The following RPL7A variants were observed in gnomAD, a reference collection of about 807,000 sequenced individuals.
The protein encoded by RPL7A is ribosomal protein L7a.
For missense variants in RPL7A, 291 were observed against 338.2 expected (o/e 0.86, Z 1.09); for synonymous variants, 158 against 128.2 (o/e 1.23, Z -1.57).
chr9:133,348,716 C>G (rs2129980295), intron 1 of RPL7A: 223 of 799,504 alleles, frequency 2.8e-4, no homozygotes, highest in Middle Eastern at 1.7e-3. Context: ...TCTGGCCACT[C>G]GGGGTTCCCG....
At chr9:133,348,824 G>A (rs1451961923) in intron 1 of RPL7A, 98 bp from the exon 2 acceptor site, 1 of 1,586,034 alleles carries the variant, frequency 6.3e-7, no homozygotes, top group African/African-American at 1.3e-5. Context: ...TCAGGCAGGT[G>A]CTGTCAGCGT....
At position 133,350,701 on chromosome 9, in the gene RPL7A, C is replaced by T. The variant is rs1836372738; in HGVS notation, c.600C>T (p.Thr200=). The T allele has an allele frequency of 6.2e-7, 1 of 1,614,140 alleles. No homozygotes were observed. Among genetic ancestry groups the T allele is most frequent in the South Asian group, 1.1e-5 (1 of 91,080 alleles). Residue 200 remains threonine, a synonymous_variant, in exon 6 of 8, where the codon ACC becomes ACT. Transcript: ENST00000323345. ...LGRLVHRKTC[T]TVAFTQVNSE... is the part of the protein sequence containing the mutation. ...GTCTAGTCCACAGGAAGACCTGCAC[C>T]ACTGTCGCCTTCACACAGGTGAACT...
intron 6 of RPL7A, 116 bp downstream of exon 6, chr9:133,350,843 C>A (rs2129996474): frequency 2.6e-6 from 4 of 1,558,856 alleles, no homozygotes; most frequent in Non-Finnish European, 3.5e-6. Flanking sequence ...TTTATCTGAA[C>A]TTTTGCCAAT....
At chr9:133,350,119 C>A in intron 4 of RPL7A, 67 bp downstream of exon 4, 1 of 1,613,562 alleles carries the variant, frequency 6.2e-7, no homozygotes, top group Non-Finnish European at 8.5e-7. Context: ...AATTTCTTGG[C>A]CTGAAATTAC....
At chr9:133,350,474 CT>C (rs1836361667) in intron 5 of RPL7A, 122 bp from the exon 6 acceptor site, 1 of 1,545,080 alleles carries the variant, frequency 6.5e-7, no homozygotes, top group Non-Finnish European at 8.9e-7. Flanking sequence ...ATGTGAATCT[CT>C]CACTGAATTC....
chr9:133,349,898 G>T lies in RPL7A; in HGVS notation c.275-14G>T. The T allele has an allele frequency of 6.2e-7, 1 of 1,610,914 alleles. No homozygotes were observed. Among genetic ancestry groups the T allele is most frequent in the African/African-American group, 1.3e-5 (1 of 74,956 alleles). ...ACCTTGACTCCAAGCCTAAACTGAA[G>T]AGTGTTTTTCCAGCTACTCAGCTGC... is the stretch of plus-strand genomic sequence containing the variant. On this transcript the variant is annotated splice_polypyrimidine_tract_variant and intron_variant, in intron 3 of 7. Transcript: ENST00000323345.
chr9:133,349,002 G>A lies in RPL7A; in HGVS notation c.84G>A (p.Val28=). 1 of 1,614,036 alleles carries A rather than the reference G, an allele frequency of 6.2e-7. No homozygotes were observed. The highest frequency in any genetic ancestry group is 8.5e-7 in the Non-Finnish European group (1 of 1,180,004). ...AGAAGCAGGAGGCTAAGAAAGTGGTGAATCCCCTGTTTGAGAAAAGGCCTA... is the reference window on the plus strand; with the variant it reads ...AGAAGCAGGAGGCTAAGAAAGTGGTAAATCCCCTGTTTGAGAAAAGGCCTA... The part of the protein sequence containing the change: ...VVKKQEAKKV[V]NPLFEKRPKN... The change falls in exon 2 of 8, where the codon GTG becomes GTA. Residue 28 remains valine (V), a synonymous_variant. Transcript: ENST00000323345.
At chr9:133,350,954 G>T (rs2129997168) in intron 6 of RPL7A, 48 bp from the exon 7 acceptor site, 4 of 1,596,704 alleles carry the variant, frequency 2.5e-6, no homozygotes, top group Non-Finnish European at 3.4e-6. Flanking sequence ...ATTCTAAAAG[G>T]GAAACTAAGG....
chr9:133,349,684 C>A lies in RPL7A; in HGVS notation c.258C>A (p.Ala86=). The A allele has an allele frequency of 6.2e-7, 1 of 1,613,994 alleles. No individual in the cohort carries two copies. Among genetic ancestry groups the A allele is most frequent in the Non-Finnish European group, 8.5e-7 (1 of 1,179,942 alleles). The change falls in exon 3 of 8, where the codon GCC becomes GCA. Residue 86 remains alanine, a synonymous_variant. Coordinates refer to ENST00000323345, the MANE Select transcript of RPL7A (RefSeq NM_000972.3). ...VPPAINQFTQ[A]LDRQTATQLL... The stretch of plus-strand genomic sequence containing the variant: ...CTGCGATTAACCAGTTCACCCAGGC[C>A]CTGGACCGCCAAACAGGTGAGGTTC...
chr9:133,349,509 A>G (rs782670277), intron 2 of RPL7A, 42 bp from the exon 3 acceptor site: 4 of 1,613,954 alleles, frequency 2.5e-6, no homozygotes, highest in Non-Finnish European at 3.4e-6. Flanking sequence ...TGAACTTGAC[A>G]TGGAATTTGA....
chr9:133,348,252 T>G lies in RPL7A; in HGVS notation c.3+6T>G. 6.2e-7 allele frequency: 1 copy of G among 1,613,944 alleles called. No homozygotes were observed. The stretch of plus-strand genomic sequence containing the variant: ...TCCTCCCGCCGCCCAAGATGGTGAG[T>G]GAGCTGTAGTTCCGTGGCACTATAG... On this transcript the variant is annotated splice_donor_region_variant and intron_variant, in intron 1 of 7. Coordinates refer to ENST00000323345, the MANE Select transcript of RPL7A (RefSeq NM_000972.3).
At chr9:133,350,504 C>T (rs1836362628) in intron 5 of RPL7A, 93 bp from the exon 6 acceptor site, 1 of 1,597,824 alleles carries the variant, frequency 6.3e-7, no homozygotes, top group East Asian at 2.2e-5. Context: ...AGTGCGAATC[C>T]ATGAGCTTTT....
Position 133,349,538 on chromosome 9 carries a change from C to G in RPL7A, c.125-13C>G. The stretch of plus-strand genomic sequence containing the variant: ...AATTTGAGCCTCACTCGGTGTCACC[C>G]TTTACTTCTCAGGACAGGACATCCA... On this transcript the variant is annotated splice_polypyrimidine_tract_variant and intron_variant, in intron 2 of 7. Transcript: ENST00000323345. 1 of 1,614,080 alleles carries G rather than the reference C, an allele frequency of 6.2e-7. No individual in the cohort carries two copies.
rs1021467607 is a variant in RPL7A, at chr9:133,349,909, C to T, written c.275-3C>T. ...AAGCCTAAACTGAAGAGTGTTTTTC[C>T]AGCTACTCAGCTGCTTAAGCTGGCC... On this transcript the variant is annotated splice_polypyrimidine_tract_variant and splice_region_variant and intron_variant, in intron 3 of 7. Transcript: ENST00000323345. The T allele has an allele frequency of 3.7e-6, 6 of 1,610,406 alleles. No individual in the cohort carries two copies. The highest frequency in any genetic ancestry group is 5.1e-6 in the Non-Finnish European group (6 of 1,179,638).
chr9:133,348,632 C>T (rs1179500208), intron 1 of RPL7A: 6 of 647,178 alleles, frequency 9.3e-6, no homozygotes, highest in South Asian at 1.6e-5. Flanking sequence ...GGCCGCGACT[C>T]AGAGGAGTCA....
rs2129990426 is a variant in RPL7A, at chr9:133,349,991, C to G, written c.354C>G (p.Ala118=). 1.2e-6 allele frequency: 2 copies of G among 1,612,596 alleles called. No individual in the cohort carries two copies. The highest frequency in any genetic ancestry group is 1.7e-6 in the Non-Finnish European group (2 of 1,180,024). ...AGAAGCAGAGACTGTTGGCCCGGGC[C>G]GAGAAGAAGGCTGCTGGCAAAGGGG... ...QEKKQRLLAR[A]EKKAAGKGDV... is the part of the protein sequence containing the mutation. Residue 118 remains alanine, a synonymous_variant, in exon 4 of 8, where the codon GCC becomes GCG. Coordinates refer to ENST00000323345, the MANE Select transcript of RPL7A (RefSeq NM_000972.3).
At chr9:133,348,837 C>G in intron 1 of RPL7A, 85 bp from the exon 2 acceptor site, 1 of 1,608,578 alleles carries the variant, frequency 6.2e-7, no homozygotes, top group Non-Finnish European at 8.5e-7. Context: ...GTCAGCGTCC[C>G]TTGTTTTGGA....
In RPL7A at chr9:133,350,682, T is replaced by G; in HGVS notation, c.581T>G (p.Val194Gly). The change falls in exon 6 of 8, where the codon GTC becomes GGC. Residue 194 changes from valine (V) to glycine (G), a missense_variant. Physicochemically the swap from Val to Gly is moderately radical, Grantham distance 109. Transcript: ENST00000323345. The stretch of plus-strand genomic sequence containing the variant: ...GGAAAGGCAAGACTGGGACGTCTAG[T>G]CCACAGGAAGACCTGCACCACTGTC... ...IKGKARLGRLVHRKTCTTVAF... is the reference protein window; with the variant it reads ...IKGKARLGRLGHRKTCTTVAF... 6.2e-7 allele frequency: 1 copy of G among 1,614,132 alleles called. No individual in the cohort carries two copies. Among genetic ancestry groups the G allele is most frequent in the Non-Finnish European group, 8.5e-7 (1 of 1,180,016 alleles).
chr9:133,350,538 C>G (rs2129994502), intron 5 of RPL7A, 59 bp from the exon 6 acceptor site: 1 of 1,613,522 alleles, frequency 6.2e-7, no homozygotes, highest in Non-Finnish European at 8.5e-7. Context: ...TTGTTACAAG[C>G]TAACTGAAAT....
Sources: gnomAD v4.1 joint callset for allele counts on GRCh38, gnomAD v4.1.1 for gene constraint, MANE v1.5 for transcripts, NCBI Gene and HGNC (gene_info 2026-07-23, HGNC 2026-07-21) for gene names.